The following ADAM19 variants were observed in gnomAD, a reference collection of about 807,000 sequenced individuals.
The protein encoded by ADAM19 is disintegrin and metalloproteinase domain-containing protein 19.
In ADAM19, 65 loss-of-function variants were observed where a neutral mutation model predicts 114.7. The ratio of observed to expected loss-of-function variants is 0.57; its 90% CI spans 0.46 to 0.70. The LOEUF (loss-of-function observed/expected upper bound fraction) is 0.70. Ranked by LOEUF, ADAM19 falls within the 30% of genes least tolerant of loss-of-function variation. ADAM19 has a pLI of 0.00. For synonymous variants in ADAM19, 466 were observed against 460.5 expected (o/e 1.01, Z -0.15); for missense variants, 1,063 against 1,204.7 (o/e 0.88, Z 1.74).
In ADAM19 at chr5:157,509,592, A is replaced by AT; in HGVS notation, c.739-126dup. ...AACTAAAACTAAAAAATAAAAATAA[A>AT]TTTAAAAAAAAAGCTCCTTCCTAGC... On this transcript the variant is annotated intron_variant, in intron 8 of 22. Coordinates refer to ENST00000257527, the MANE Select transcript of ADAM19 (RefSeq NM_033274.5). 8.6e-6 allele frequency: 7 copies of AT among 818,282 alleles called. No homozygotes were observed. The South Asian group carries it at 3.4e-4, about 39-fold the overall frequency. 50.7% of individuals were successfully genotyped at this position (818,282 alleles called of 1,614,324 possible). A position where few individuals can be genotyped will look rare whatever the true frequency, so the allele number is the denominator to read the frequency against.
chr5:157,481,539 C>A, intron 22 of ADAM19: 1 of 1,406,242 alleles, frequency 7.1e-7, no homozygotes, highest in South Asian at 1.4e-5. Context: ...CAGGGTCCCT[C>A]CCCAGGTCAG....
chr5:157,493,633 A>C (rs1755249946), intron 15 of ADAM19, among the ~76,000 whole-genome samples: 1 of 150,504 alleles, frequency 6.6e-6, no homozygotes, highest in African/African-American at 2.5e-5. Flanking sequence ...ACACTGCCCC[A>C]CCCCCCTTAC....
At chr5:157,512,252 G>GA (rs1003482572) in intron 8 of ADAM19, among the ~76,000 whole-genome samples, 13 of 152,124 alleles carry the variant, frequency 8.5e-5, no homozygotes, top group African/African-American at 3.1e-4. Flanking sequence ...ATCTAGGGCA[G>GA]AAAAAAACCA....
chr5:157,496,926 T>G lies in ADAM19; in HGVS notation c.1562A>C (p.Tyr521Ser). Residue 521 changes from tyrosine to serine, a missense_variant, in exon 14 of 23, where the codon TAC (tyrosine) becomes TCC (serine). Physicochemically the swap from Tyr to Ser is moderately radical, Grantham distance 144. Coordinates refer to ENST00000257527, the MANE Select transcript of ADAM19 (RefSeq NM_033274.5). ...AYCYNGMCLT[Y>S]QEQCQQLWGP... The stretch of plus-strand genomic sequence containing the variant: ...CCACAGCTGCTGGCACTGCTCCTGG[T>G]AGGTGAGGCACATGCCGTTGTAGCA... 6.3e-7 allele frequency: 1 copy of G among 1,594,154 alleles called. No homozygotes were observed. The highest frequency in any genetic ancestry group is 1.1e-5 in the South Asian group (1 of 87,590).
At chr5:157,523,412 G>A (rs1175096393) in intron 5 of ADAM19, among the ~76,000 whole-genome samples, 1 of 152,222 alleles carries the variant, frequency 6.6e-6, no homozygotes, top group East Asian at 1.9e-4. Context: ...AGGTGTTAGG[G>A]TCATGGGGTG....
intron 3 of ADAM19, among the ~76,000 whole-genome samples, chr5:157,547,502 C>G (rs1424910598): frequency 6.6e-6 from 1 of 152,180 alleles, no homozygotes; most frequent in Non-Finnish European, 1.5e-5. Flanking sequence ...CTATCTTGCC[C>G]TTCTCCCTTT....
Position 157,479,304 on chromosome 5 carries a change from G to C in ADAM19, c.*1645C>G, listed in dbSNP as rs184391848. On this transcript the variant is annotated 3_prime_UTR_variant, in exon 23 of 23. Transcript: ENST00000257527. ...ATCCAAGAAGCACCTATTGTGTGCA[G>C]AGAACTATAAGGAGGCCCTGGGGTG... 8.0e-5 allele frequency: 79 copies of C among 985,964 alleles called. No individual in the cohort carries two copies. The African/African-American group carries it at 1.2e-3, about 15-fold the overall frequency. The allele number at this position is 985,964 out of a possible 1,614,324, so 61.1% of individuals were successfully genotyped here.
intron 22 of ADAM19, 109 bp from the exon 23 acceptor site, chr5:157,481,111 G>A: frequency 7.1e-7 from 1 of 1,404,326 alleles, no homozygotes; most frequent in East Asian, 2.3e-5. Context: ...ACCACCCACT[G>A]AGAACAAAGG....
At chr5:157,531,879 A>G (rs955973474) in intron 4 of ADAM19, among the ~76,000 whole-genome samples, 1 of 152,146 alleles carries the variant, frequency 6.6e-6, no homozygotes, top group South Asian at 2.1e-4. Flanking sequence ...AGAAGCTAGA[A>G]GAGCCTGGAA....
chr5:157,494,788 T>G lies in ADAM19; in HGVS notation c.1602A>C (p.Arg534=), dbSNP rs1561845057. The G allele has an allele frequency of 6.2e-7, 1 of 1,613,564 alleles. No individual in the cohort carries two copies. Among genetic ancestry groups the G allele is most frequent in the Non-Finnish European group, 8.5e-7 (1 of 1,179,620 alleles). ...TCTCGAAGCAGAGGTCAGGGGCAGGTCGGGCTCCTGGGTGGGCAAGCAACA... is the reference window on the plus strand; with the variant it reads ...TCTCGAAGCAGAGGTCAGGGGCAGGGCGGGCTCCTGGGTGGGCAAGCAACA... ...QCQQLWGPGA[R]PAPDLCFEKV... The change falls in exon 15 of 23, where the codon CGA becomes CGC. Residue 534 remains arginine (R), a synonymous_variant. Coordinates refer to ENST00000257527, the MANE Select transcript of ADAM19 (RefSeq NM_033274.5).
At chr5:157,489,080 T>G in intron 20 of ADAM19, 22 bp downstream of exon 20, 2 of 1,606,318 alleles carry the variant, frequency 1.2e-6, no homozygotes, top group Non-Finnish European at 1.7e-6. Flanking sequence ...AGTAGCAAAG[T>G]TCAGTGGTGC....
At chr5:157,541,299 G>A (rs1193202844) in intron 3 of ADAM19, among the ~76,000 whole-genome samples, 2 of 152,186 alleles carry the variant, frequency 1.3e-5, no homozygotes, top group African/African-American at 2.4e-5. Context: ...TGTGAGTGAT[G>A]TGCATCCAGG....
At chr5:157,508,911 G>A (rs751615303) in intron 9 of ADAM19, among the ~76,000 whole-genome samples, 2 of 152,246 alleles carry the variant, frequency 1.3e-5, no homozygotes, top group Non-Finnish European at 2.9e-5. Context: ...GCTCTCCTGT[G>A]CCTGTGTTGG....
At position 157,479,989 on chromosome 5, in the gene ADAM19, G is replaced by A. The variant is rs1465781503; in HGVS notation, c.*960C>T. ...AATGGCCATGCCCCAAGTCTACTCTGGTCACACTCCTGAGAGCCAGTGAGG... is the reference window on the plus strand; with the variant it reads ...AATGGCCATGCCCCAAGTCTACTCTAGTCACACTCCTGAGAGCCAGTGAGG... On this transcript the variant is annotated 3_prime_UTR_variant, in exon 23 of 23. Coordinates refer to ENST00000257527, the MANE Select transcript of ADAM19 (RefSeq NM_033274.5). The A allele has an allele frequency of 7.1e-6, 7 of 985,756 alleles. No individual in the cohort carries two copies. Among genetic ancestry groups the A allele is most frequent in the African/African-American group, 1.7e-5 (1 of 57,208 alleles). The allele number at this position is 985,756 out of a possible 1,614,324, so 61.1% of individuals were successfully genotyped here.
rs142815505 is a variant in ADAM19 at position 157,573,069 on chromosome 5, G to C, written c.95-2089C>G. Among the ~76,000 whole-genome samples the C allele has an allele frequency of 3.3e-5, 5 of 152,140 alleles. No individual in the cohort carries two copies. The East Asian group carries it at 9.7e-4, about 29-fold the overall frequency. On this transcript the variant is annotated intron_variant, in intron 1 of 22. Transcript: ENST00000257527. The stretch of plus-strand genomic sequence containing the variant: ...AAAAGACAAGCATCGCTCTTGCCCT[G>C]GTGGCTCTGATAAGTCTATATTATT...
chr5:157,513,627 T>A (rs1272535932), intron 7 of ADAM19, 122 bp from the exon 8 acceptor site: 11 of 856,032 alleles, frequency 1.3e-5, no homozygotes, highest in Admixed American at 2.1e-5. Context: ...CCATCATTTT[T>A]ATGCAATTGT....
intron 3 of ADAM19, among the ~76,000 whole-genome samples, chr5:157,546,503 A>G (rs1757051016): frequency 1.3e-5 from 2 of 152,202 alleles, no homozygotes; most frequent in Non-Finnish European, 2.9e-5. Context: ...CAGTGAGTCA[A>G]GAGATAAAGA....
chr5:157,491,991 G>C, intron 16 of ADAM19, 79 bp from the exon 17 acceptor site: 1 of 1,426,300 alleles, frequency 7.0e-7, no homozygotes, highest in Admixed American at 1.7e-5. Flanking sequence ...TTTTGCACTT[G>C]GAACATATGA....
chr5:157,564,580 C>T, intron 2 of ADAM19, 137 bp from the exon 3 acceptor site: 2 of 749,886 alleles, frequency 2.7e-6, no homozygotes, highest in Admixed American at 2.1e-5. Flanking sequence ...ATTTCCAGCC[C>T]ACATGTAAAA....
Sources: gnomAD v4.1 joint callset for allele counts (sites outside exome capture counted in the v4.1 genomes callset) on GRCh38, gnomAD v4.1.1 for gene constraint, MANE v1.5 for transcripts, NCBI Gene and HGNC (gene_info 2026-07-23, HGNC 2026-07-21) for gene names.